The following KDM5A variants were observed in gnomAD, a reference collection of about 807,000 sequenced individuals.
KDM5A encodes the protein lysine-specific demethylase 5A.
KDM5A carries 42 observed loss-of-function variants against 193.5 expected under a neutral mutation model. The ratio of observed to expected loss-of-function variants is 0.22; its 90% confidence interval spans 0.17 to 0.28. The LOEUF is 0.28. Ranked by LOEUF, KDM5A falls within the 10% of genes least tolerant of loss-of-function variation. The probability of loss-of-function intolerance (pLI) is 1.00; values close to 1 mark genes in which losing one functional copy is unlikely to be tolerated. For missense variants in KDM5A, 1,692 were observed against 2,055.1 expected, an observed-to-expected ratio of 0.82 and a Z score of 3.42; for synonymous variants, 796 against 718.1, an observed-to-expected ratio of 1.11 and a Z score of -1.73.
At chr12:386,588 T>C (rs1410495413) in intron 1 of KDM5A, among the ~76,000 whole-genome samples, 1 of 152,174 alleles carries the variant, frequency 6.6e-6, no homozygotes, top group East Asian at 1.9e-4. Context: ...AGCTCATACC[T>C]GTAATCCCAG....
At position 328,726 on chromosome 12, in the gene KDM5A, T is replaced by C. The variant is rs1005598590; in HGVS notation, c.1968+109A>G. The C allele has an allele frequency of 6.9e-5, 63 of 917,000 alleles. No homozygotes were observed. The highest frequency in any genetic ancestry group is 1.0e-4 in the Non-Finnish European group (59 of 575,346). The allele number at this position is 917,000 out of a possible 1,614,324, so 56.8% of individuals were successfully genotyped here. On this transcript the variant is annotated intron_variant, in intron 14 of 27. Transcript: ENST00000399788. ...TATAAAATCTTCTCCAAATCAGTGA[T>C]CTTTATGCTCAACTCCTAGGGGATA...
chr12:342,480 G>A (rs1433294477), intron 10 of KDM5A, among the ~76,000 whole-genome samples: 1 of 151,802 alleles, frequency 6.6e-6, no homozygotes, highest in Non-Finnish European at 1.5e-5. Flanking sequence ...TCCTCTTGGA[G>A]ACAGAGTCTT....
At chr12:362,840 C>T (rs1944308773) in intron 5 of KDM5A, 123 bp downstream of exon 5, 1 of 859,598 alleles carries the variant, frequency 1.2e-6, no homozygotes, top group African/African-American at 1.7e-5. Flanking sequence ...GCATACCAAC[C>T]AGCAATACTC....
intron 3 of KDM5A, among the ~76,000 whole-genome samples, chr12:369,653 G>C (rs534029493): frequency 1.3e-5 from 2 of 152,288 alleles, no homozygotes; most frequent in East Asian, 3.9e-4. Flanking sequence ...GATATAAAGG[G>C]AACAGACAAA....
chr12:323,008 C>A (rs1470512521), intron 16 of KDM5A, 74 bp downstream of exon 16: 2 of 1,597,878 alleles, frequency 1.3e-6, no homozygotes, highest in African/African-American at 1.3e-5. Context: ...AAGGAAAAAA[C>A]ATAAAACTAA....
At chr12:331,005 T>C (rs995833355) in intron 13 of KDM5A, among the ~76,000 whole-genome samples, 16 of 152,060 alleles carry the variant, frequency 1.1e-4, no homozygotes, top group Non-Finnish European at 2.2e-4. Flanking sequence ...AAAAGCAAAA[T>C]AGCAATTACC....
At chr12:336,231 C>T (rs148080639) in intron 10 of KDM5A, among the ~76,000 whole-genome samples, 71 of 151,054 alleles carry the variant, frequency 4.7e-4, no homozygotes, top group African/African-American at 1.6e-3. Context: ...TGGTGGCGTG[C>T]GCCTGTAGTT....
chr12:315,892 A>G (rs2137400623), intron 19 of KDM5A, among the ~76,000 whole-genome samples: 1 of 152,338 alleles, frequency 6.6e-6, no homozygotes, highest in South Asian at 2.1e-4. Context: ...CAGGCGGATG[A>G]TATTTATGAA....
chr12:360,094 G>A (rs890972308), intron 5 of KDM5A, among the ~76,000 whole-genome samples: 9 of 151,970 alleles, frequency 5.9e-5, no homozygotes, highest in Admixed American at 1.3e-4. Flanking sequence ...CCAAAATGGT[G>A]AAACCCTGTC....
At chr12:299,321 G>A (rs1191747491) in intron 24 of KDM5A, among the ~76,000 whole-genome samples, 3 of 152,184 alleles carry the variant, frequency 2.0e-5, no homozygotes, top group African/African-American at 7.2e-5. Context: ...ACCCACAAAG[G>A]GAAGCCCATC....
At chr12:359,809 G>A (rs918240374) in intron 5 of KDM5A, among the ~76,000 whole-genome samples, 2 of 147,834 alleles carry the variant, frequency 1.4e-5, no homozygotes, top group African/African-American at 5.0e-5. Flanking sequence ...AAGGGAGGGA[G>A]GGAGAAGGGA....
At chr12:295,425 A>G (rs1943358196) in intron 26 of KDM5A, 148 bp downstream of exon 26, 2 of 762,316 alleles carry the variant, frequency 2.6e-6, no homozygotes, top group Non-Finnish European at 4.6e-6. Context: ...CCAGCAAGCC[A>G]TAAAGCCCAA....
chr12:364,847 TCCCAAGTACCTA>T (rs1944336790), intron 4 of KDM5A, among the ~76,000 whole-genome samples: 1 of 149,932 alleles, frequency 6.7e-6, no homozygotes, highest in Non-Finnish European at 1.5e-5. Context: ...GCAATTCCAC[TCCCAAGTACCTA>T]CCCAAGAGAA....
rs1418025400 is a variant in KDM5A at position 323,119 on chromosome 12, A to G, written c.2238T>C (p.Val746=). 1 of 1,604,222 alleles carries G rather than the reference A, an allele frequency of 6.2e-7. No homozygotes were observed. Among genetic ancestry groups the G allele is most frequent in the South Asian group, 1.1e-5 (1 of 90,958 alleles). Residue 746 remains valine, a synonymous_variant, in exon 16 of 28, where the codon GTT becomes GTC. Coordinates refer to ENST00000399788, the MANE Select transcript of KDM5A (RefSeq NM_001042603.3). ...TGAAGTTAGCAGACAATGCTTCTGT[A>G]ACACGACTGACCCAAGTGTCATAGG... is the stretch of plus-strand genomic sequence containing the variant. ...AQSYDTWVSR[V]TEALSANFNH...
At chr12:336,638 C>T (rs369250005) in intron 10 of KDM5A, among the ~76,000 whole-genome samples, 2 of 151,876 alleles carry the variant, frequency 1.3e-5, no homozygotes, top group African/African-American at 4.8e-5. Context: ...GTCAGGAGTT[C>T]GAAACCAGAC....
intron 3 of KDM5A, among the ~76,000 whole-genome samples, chr12:381,872 T>C (rs1326870786): frequency 1.3e-5 from 2 of 152,090 alleles, no homozygotes; most frequent in African/African-American, 2.4e-5. Context: ...AGTGGTGTGA[T>C]GACAGCTCAC....
intron 10 of KDM5A, 64 bp downstream of exon 10, chr12:350,557 G>T: frequency 6.7e-7 from 1 of 1,490,328 alleles, no homozygotes; most frequent in Non-Finnish European, 9.4e-7. Context: ...GATCCCTTAA[G>T]ATAGTTTTCA....
In KDM5A at chr12:282,209, T is replaced by G. The variant is rs1277961654; in HGVS notation, c.*3247A>C. The G allele has an allele frequency of 4.1e-6, 1 of 243,850 alleles. No homozygotes were observed. Among genetic ancestry groups the G allele is most frequent in the African/African-American group, 2.2e-5 (1 of 45,476 alleles). The allele number at this position is 243,850 out of a possible 1,614,324, so 15.1% of individuals were successfully genotyped here. A position where few individuals can be genotyped will look rare whatever the true frequency, so the allele number is the denominator to read the frequency against. ...AGACAGACACATGGGGTCTCGCTGT[T>G]GACCAGGCGGGACTCAAACTCACAG... On this transcript the variant is annotated 3_prime_UTR_variant, in exon 28 of 28. Transcript: ENST00000399788.
chr12:346,590 C>T (rs141996899), intron 10 of KDM5A, among the ~76,000 whole-genome samples: 1,879 of 152,160 alleles, frequency 0.012, 48 homozygotes, highest in African/African-American at 0.042. Flanking sequence ...GCTTCATCCC[C>T]GGGATGCAAG....
Sources: gnomAD v4.1 joint callset for allele counts (sites outside exome capture counted in the v4.1 genomes callset) on GRCh38, gnomAD v4.1.1 for gene constraint, MANE v1.5 for transcripts, NCBI Gene and HGNC (gene_info 2026-07-23, HGNC 2026-07-21) for gene names.